Variants in PCDHGA7 observed in about 807,000 individuals in gnomAD.
PCDHGA7 encodes protocadherin gamma-A7.
Under a neutral mutation model 58.3 loss-of-function variants are expected in PCDHGA7, and 44 were observed. The observed-to-expected ratio is 0.75, with a 90% CI of 0.59 to 0.97. The LOEUF (loss-of-function observed/expected upper bound fraction) is 0.97. PCDHGA7 is among the 50% of genes least tolerant of loss of function. PCDHGA7 has a pLI of 0.00. For missense variants in PCDHGA7, 1,266 were observed against 1,188.7 expected (o/e 1.06, Z -0.96); for synonymous variants, 516 against 504.2 (o/e 1.02, Z -0.31).
chr5:141,510,289 A>T (rs1279501931), intron 3 of PCDHGA7, among the ~76,000 whole-genome samples: 3 of 151,754 alleles, frequency 2.0e-5, no homozygotes, highest in Non-Finnish European at 4.4e-5. Context: ...AAAAAAAAAA[A>T]AATGCTGTTT....
In PCDHGA7 at chr5:141,431,354, G is replaced by T. The variant is rs777198567; in HGVS notation, c.2424+46031G>T. The T allele has an allele frequency of 1.9e-6, 3 of 1,614,036 alleles. No individual in the cohort carries two copies. In the South Asian group the frequency reaches 3.3e-5, roughly 18 times the overall value. ...GTACCCCGAATTGGTGCTGAAACGC[G>T]CCCTGGACCGCGAAGAAAAGGCTGC... On this transcript the variant is annotated intron_variant, in intron 1 of 3. Coordinates refer to ENST00000518325, the MANE Select transcript of PCDHGA7 (RefSeq NM_018920.4). This position sits in a 1 kb window ranked among gnomAD's most constrained non-coding sequence, Gnocchi z 4.8.
At chr5:141,433,212 T>C (rs747556366) in intron 1 of PCDHGA7, 75 of 1,570,956 alleles carry the variant, frequency 4.8e-5, no homozygotes, top group Non-Finnish European at 6.2e-5. Flanking sequence ...TTCTTTCTTT[T>C]TTTTTTTTAA....
At chr5:141,420,692 A>G (rs2096518268) in intron 1 of PCDHGA7, among the ~76,000 whole-genome samples, 1 of 152,228 alleles carries the variant, frequency 6.6e-6, no homozygotes, top group Admixed American at 6.5e-5. Context: ...GGACCGTATT[A>G]TTTCCACTTC....
Position 141,384,108 on chromosome 5 carries a change from AT to A in PCDHGA7, c.1211del (p.Leu404TrpfsTer19). 1.9e-6 allele frequency: 3 copies of A among 1,603,570 alleles called. No individual in the cohort carries two copies. In the East Asian group the frequency reaches 6.8e-5, roughly 36 times the overall value. Reference sequence around the variant, plus strand: ...AAAAATCAATAGATAATTATTATAGATTGGTCACAACCAAAAACTTGGACCG... The same window carrying A: ...AAAAATCAATAGATAATTATTATAGATGGTCACAACCAAAAACTTGGACCG... ...LEKSIDNYYRLVTTKNLDRET... is the reference protein window; with the variant it reads ...LEKSIDNYYRXVTTKNLDRET... On this transcript the variant is annotated frameshift_variant, in exon 1 of 4. Transcript: ENST00000518325. LOFTEE classifies it high-confidence loss of function.
intron 1 of PCDHGA7, among the ~76,000 whole-genome samples, chr5:141,459,838 A>G (rs944807247): frequency 6.6e-6 from 1 of 152,098 alleles, no homozygotes; most frequent in Non-Finnish European, 1.5e-5. Flanking sequence ...TGTGTTGTCT[A>G]TTTGTATATC....
rs2099411055 is a variant in PCDHGA7, at chr5:141,477,429, C to T, written c.2425-17378C>T. 6.2e-7 allele frequency: 1 copy of T among 1,614,218 alleles called. No individual in the cohort carries two copies. Among genetic ancestry groups the T allele is most frequent in the South Asian group, 1.1e-5 (1 of 91,082 alleles). ...CGAGACGCCGGAACCCCTTCCCTCT[C>T]AGCCCTTACAATAGTGCGTGTTCAA... On this transcript the variant is annotated intron_variant, in intron 1 of 3. Coordinates refer to ENST00000518325, the MANE Select transcript of PCDHGA7 (RefSeq NM_018920.4). The surrounding 1 kb of genome is among the most constrained non-coding windows in gnomAD (Gnocchi z 4.9).
intron 1 of PCDHGA7, chr5:141,388,947 A>T: frequency 6.2e-7 from 1 of 1,614,054 alleles, no homozygotes; most frequent in Non-Finnish European, 8.5e-7. Context: ...CAACCTAATT[A>T]TGGAGGACGC....
At chr5:141,455,185 T>C (rs1334330699) in intron 1 of PCDHGA7, among the ~76,000 whole-genome samples, 1 of 152,064 alleles carries the variant, frequency 6.6e-6, no homozygotes, top group Admixed American at 6.6e-5. Flanking sequence ...TTTTTATTTC[T>C]CTACAAATTT....
Position 141,489,068 on chromosome 5 carries a change from G to GC in PCDHGA7, c.2425-5736dup. ...CTCAAATTCAGCTCCCCTCCCCCCT[G>GC]CCCACCCCCGCCACTCGGTGACTAA... On this transcript the variant is annotated intron_variant, in intron 1 of 3. Transcript: ENST00000518325. The surrounding 1 kb of genome is among the most constrained non-coding windows in gnomAD (Gnocchi z 4.5). 3 of 291,558 alleles carry GC rather than the reference G, an allele frequency of 1.0e-5. No homozygotes were observed. Among genetic ancestry groups the GC allele is most frequent in the Admixed American group, 5.4e-5 (1 of 18,530 alleles). 18.1% of individuals were successfully genotyped at this position (291,558 alleles called of 1,614,324 possible).
At position 141,454,796 on chromosome 5, in the gene PCDHGA7, ATTT is replaced by A. The variant is rs61612330; in HGVS notation, c.2425-39984_2425-39982del. On this transcript the variant is annotated intron_variant, in intron 1 of 3. Coordinates refer to ENST00000518325, the MANE Select transcript of PCDHGA7 (RefSeq NM_018920.4). ...AAGGAAATAATCCTCCATGGTTCTA[ATTT>A]TTTTTTTTTTTTTTTTTTTTTTTTT... is the stretch of plus-strand genomic sequence containing the variant. 8.4e-3 allele frequency among the ~76,000 whole-genome samples: 651 copies of A among 77,268 alleles called. 2 individuals are homozygous for A. Among genetic ancestry groups the A allele is most frequent in the African/African-American group, 0.012 (206 of 16,834 alleles). The allele number at this position is 77,268 out of a possible 152,430, so 50.7% of individuals were successfully genotyped here. A position where few individuals can be genotyped will look rare whatever the true frequency, so the allele number is the denominator to read the frequency against.
rs759810331 is a variant in PCDHGA7 at position 141,384,391 on chromosome 5, G to C, written c.1492G>C (p.Gly498Arg). ...TTCCTTGGCCGAAGACACCATCCAG[G>C]GGGCTCCAGTGTCCTCCTATGTCTC... ...TYSLAEDTIQGAPVSSYVSIN... is the reference protein window; with the variant it reads ...TYSLAEDTIQRAPVSSYVSIN... The change falls in exon 1 of 4, where the codon GGG (glycine) becomes CGG (arginine). Residue 498 changes from glycine (G) to arginine (R), a missense_variant. Transcript: ENST00000518325. 24 of 1,613,920 alleles carry C rather than the reference G, an allele frequency of 1.5e-5. No homozygotes were observed. Among genetic ancestry groups the C allele is most frequent in the Non-Finnish European group, 2.0e-5 (24 of 1,179,900 alleles).
At chr5:141,419,635 G>A in intron 1 of PCDHGA7, 1 of 1,612,480 alleles carries the variant, frequency 6.2e-7, no homozygotes, top group African/African-American at 1.3e-5. Flanking sequence ...CCAAGGTGGT[G>A]GCCGTGGACG....
Position 141,447,603 on chromosome 5 carries a change from T to G in PCDHGA7, c.2425-47204T>G, listed in dbSNP as rs146950525. On this transcript the variant is annotated intron_variant, in intron 1 of 3. Transcript: ENST00000518325. ...ATACCTTAAACATCCTATAGAGTCC[T>G]TAGCATTTTAAAGTTGAAACCAACA... Among the ~76,000 whole-genome samples, 378 of 152,270 alleles carry G rather than the reference T, an allele frequency of 2.5e-3. 1 individual carries two copies. Among genetic ancestry groups the G allele is most frequent in the Non-Finnish European group, 4.5e-3 (309 of 68,030 alleles).
At chr5:141,449,450 T>C (rs1269861041) in intron 1 of PCDHGA7, among the ~76,000 whole-genome samples, 2 of 151,216 alleles carry the variant, frequency 1.3e-5, no homozygotes, top group Non-Finnish European at 2.9e-5. Context: ...CTACTAAAAA[T>C]ACAAAAATTA....
rs776348214 is a variant in PCDHGA7 at position 141,487,781 on chromosome 5, G to A, written c.2425-7026G>A. 108 of 1,526,850 alleles carry A rather than the reference G, an allele frequency of 7.1e-5. No individual in the cohort carries two copies. Among genetic ancestry groups the A allele is most frequent in the East Asian group, 3.7e-4 (15 of 40,622 alleles). 94.6% of individuals were successfully genotyped at this position (1,526,850 alleles called of 1,614,324 possible). On this transcript the variant is annotated intron_variant, in intron 1 of 3. Coordinates refer to ENST00000518325, the MANE Select transcript of PCDHGA7 (RefSeq NM_018920.4). This position sits in a 1 kb window ranked among gnomAD's most constrained non-coding sequence, Gnocchi z 5.0. ...AGACGCTGTGCTTTGTAACTGTTTC[G>A]TGAATTAACCAGAGTTGTCACAGTT... is the stretch of plus-strand genomic sequence containing the variant.
intron 1 of PCDHGA7, chr5:141,413,820 C>G (rs967941133): frequency 5.6e-6 from 9 of 1,613,086 alleles, no homozygotes; most frequent in South Asian, 1.1e-5. Flanking sequence ...ACCACCTGGT[C>G]CTCACCGCCT....
chr5:141,506,742 A>G (rs1475692668), intron 3 of PCDHGA7, among the ~76,000 whole-genome samples: 5 of 152,172 alleles, frequency 3.3e-5, no homozygotes, highest in Non-Finnish European at 7.3e-5. Context: ...AATGCCTATT[A>G]ATAAAGACTA....
rs2098680935 is a variant in PCDHGA7, at chr5:141,450,471, G to A, written c.2425-44336G>A. 2.0e-5 allele frequency among the ~76,000 whole-genome samples: 3 copies of A among 147,910 alleles called. No homozygotes were observed. In the South Asian group the frequency reaches 6.2e-4, roughly 31 times the overall value. ...GTTTCCTCGTGATTTTATATATAGA[G>A]TTTGTTTGTTTGTTTGTCTGTTTGT... On this transcript the variant is annotated intron_variant, in intron 1 of 3. Transcript: ENST00000518325.
chr5:141,444,329 G>T (rs536314842), intron 1 of PCDHGA7, among the ~76,000 whole-genome samples: 1 of 151,792 alleles, frequency 6.6e-6, no homozygotes, highest in Admixed American at 6.6e-5. Context: ...GTGCCACCAC[G>T]CCCAGCTAAT....
Sources: gnomAD v4.1 joint callset for allele counts (sites outside exome capture counted in the v4.1 genomes callset) on GRCh38, gnomAD v4.1.1 for gene constraint, Gnocchi (gnomAD v3.1) non-coding constraint, MANE v1.5 for transcripts, NCBI Gene and HGNC (gene_info 2026-07-23, HGNC 2026-07-21) for gene names.